The following USH2A variants were observed in gnomAD, a reference collection of about 807,000 sequenced individuals.
USH2A encodes usherin, also known as Usher syndrome 2A (autosomal recessive, mild).
Under a neutral mutation model 538.9 loss-of-function variants are expected in USH2A, and 443 were observed. The ratio of observed to expected loss-of-function variants is 0.82; its 90% CI spans 0.76 to 0.89. USH2A has a LOEUF of 0.89. USH2A is among the 40% of genes least tolerant of loss of function. USH2A has a pLI of 0.00. For synonymous variants in USH2A, 2,413 were observed against 2,273.5 expected (o/e 1.06, Z -1.75); for missense variants, 6,633 against 6,324.8 (o/e 1.05, Z -1.65).
intron 32 of USH2A, among the ~76,000 whole-genome samples, chr1:216,042,965 T>A (rs1468464420): frequency 6.6e-6 from 1 of 152,018 alleles, no homozygotes; most frequent in African/African-American, 2.4e-5. Context: ...TCAGGACAAA[T>A]CAAGCTTGCC....
intron 16 of USH2A, chr1:216,201,655 C>T (rs867823600): frequency 9.9e-5 from 18 of 182,480 alleles, no homozygotes; most frequent in Middle Eastern, 1.7e-3. Context: ...CTCTGGGGTC[C>T]GACTGCTCAG....
chr1:216,054,080 G>A (rs78507992), intron 30 of USH2A, among the ~76,000 whole-genome samples: 1,564 of 152,244 alleles, frequency 0.01, 34 homozygotes, highest in African/African-American at 0.036. Context: ...AGAGGGCATA[G>A]CCTTTTACTG....
At chr1:215,768,624 G>A (rs1469684729) in intron 55 of USH2A, among the ~76,000 whole-genome samples, 2 of 152,188 alleles carry the variant, frequency 1.3e-5, no homozygotes, top group African/African-American at 2.4e-5. Context: ...AGCCACATAT[G>A]TTTGATAAAA....
At chr1:216,176,510 G>A (rs1476133071) in intron 20 of USH2A, among the ~76,000 whole-genome samples, 1 of 152,038 alleles carries the variant, frequency 6.6e-6, no homozygotes, top group Non-Finnish European at 1.5e-5. Context: ...TCAACATCCG[G>A]CACCCAAATG....
chr1:215,974,672 GGGTTTTTTCTGT>G (rs1667580848), intron 35 of USH2A, among the ~76,000 whole-genome samples: 1 of 152,062 alleles, frequency 6.6e-6, no homozygotes, highest in African/African-American at 2.4e-5. Context: ...CATGATTTCA[GGGTTTTTTCTGT>G]GGTTGTATAG....
chr1:216,369,920 CAAAAAAAAAAA>C (rs71161416), intron 3 of USH2A, among the ~76,000 whole-genome samples: 1 of 127,390 alleles, frequency 7.8e-6, no homozygotes, highest in Non-Finnish European at 1.6e-5. Context: ...GAGACTCTGC[CAAAAAAAAAAA>C]AAAAAAAAAA....
chr1:216,268,294 G>A (rs1454354902), intron 11 of USH2A, among the ~76,000 whole-genome samples: 1 of 152,028 alleles, frequency 6.6e-6, no homozygotes, highest in African/African-American at 2.4e-5. Flanking sequence ...ACTAGCCACA[G>A]AATTAACTAT....
intron 30 of USH2A, among the ~76,000 whole-genome samples, chr1:216,054,015 T>C (rs2030887008): frequency 1.3e-5 from 2 of 152,174 alleles, no homozygotes. Flanking sequence ...AGCATTGGCC[T>C]AGAGAACTTG....
chr1:216,034,452 C>T (rs1315977033), intron 32 of USH2A, among the ~76,000 whole-genome samples: 2 of 152,066 alleles, frequency 1.3e-5, no homozygotes, highest in Non-Finnish European at 1.5e-5. Context: ...AAGGTATCTC[C>T]ATGTTTTAAC....
At chr1:216,101,748 T>G (rs891061432) in intron 21 of USH2A, among the ~76,000 whole-genome samples, 1 of 152,282 alleles carries the variant, frequency 6.6e-6, no homozygotes, top group Non-Finnish European at 1.5e-5. Context: ...TTCAGTGTTT[T>G]GGTTTCTAGT....
At position 215,888,618 on chromosome 1, in the gene USH2A, C is replaced by A. The variant is rs2102460155; in HGVS notation, c.8031G>T (p.Arg2677Ser). ...TGTCAATAAACCTCATGGAATGACT[C>A]CTCGGGAGAGTCACCAGGGTAGTAA... The part of the protein sequence containing the change: ...EEVTTLVTLP[R>S]SHSMRFIDKT... The change falls in exon 41 of 72, where the codon AGG becomes AGT. Residue 2677 changes from arginine (R) to serine (S), a missense_variant. Coordinates refer to ENST00000307340, the MANE Select transcript of USH2A (RefSeq NM_206933.4). The A allele has an allele frequency of 1.2e-6, 2 of 1,614,160 alleles. No homozygotes were observed. The highest frequency in any genetic ancestry group is 1.3e-5 in the African/African-American group (1 of 75,046).
intron 61 of USH2A, among the ~76,000 whole-genome samples, chr1:215,698,060 G>A (rs1658877128): frequency 6.6e-6 from 1 of 152,062 alleles, no homozygotes; most frequent in Non-Finnish European, 1.5e-5. Flanking sequence ...TCCCACTTAT[G>A]AGTGAGAACA....
chr1:216,222,980 GAAA>G (rs68139217), intron 14 of USH2A, among the ~76,000 whole-genome samples: 459 of 112,002 alleles, frequency 4.1e-3, no homozygotes, highest in African/African-American at 0.014. Flanking sequence ...CTCCATCTCA[GAAA>G]AAAAAAAAAA....
intron 21 of USH2A, among the ~76,000 whole-genome samples, chr1:216,167,805 C>T (rs989969862): frequency 1.3e-5 from 2 of 151,980 alleles, no homozygotes; most frequent in African/African-American, 2.4e-5. Flanking sequence ...GCCTTATGTC[C>T]CCTCAATCAA....
At chr1:215,949,910 C>T (rs1369342589) in intron 37 of USH2A, among the ~76,000 whole-genome samples, 1 of 151,538 alleles carries the variant, frequency 6.6e-6, no homozygotes, top group Admixed American at 6.6e-5. Flanking sequence ...TGTGAGCAGA[C>T]AAAAAAAGAA....
chr1:215,845,483 G>C (rs910613592), intron 45 of USH2A, among the ~76,000 whole-genome samples: 17 of 151,904 alleles, frequency 1.1e-4, no homozygotes, highest in African/African-American at 3.9e-4. Context: ...TTTGGCTGTC[G>C]TTTTGAAAAA....
At chr1:216,009,147 T>C (rs1463512033) in intron 32 of USH2A, among the ~76,000 whole-genome samples, 1 of 151,920 alleles carries the variant, frequency 6.6e-6, no homozygotes, top group Non-Finnish European at 1.5e-5. Flanking sequence ...CCCAATCCCT[T>C]ATTTCCATGC....
At chr1:216,405,917 G>GAAACA (rs1345555415) in intron 3 of USH2A, among the ~76,000 whole-genome samples, 20 of 152,278 alleles carry the variant, frequency 1.3e-4, no homozygotes, top group African/African-American at 4.8e-4. Context: ...AAAAAAGAAA[G>GAAACA]AAACAATCCC....
intron 47 of USH2A, among the ~76,000 whole-genome samples, chr1:215,825,676 C>T (rs550346538): frequency 6.6e-6 from 1 of 152,076 alleles, no homozygotes; most frequent in African/African-American, 2.4e-5. Flanking sequence ...TCGATTTGGT[C>T]ATTTTTGTCA....
Sources: gnomAD v4.1 joint callset for allele counts (sites outside exome capture counted in the v4.1 genomes callset) on GRCh38, gnomAD v4.1.1 for gene constraint, MANE v1.5 for transcripts, NCBI Gene and HGNC (gene_info 2026-07-23, HGNC 2026-07-21) for gene names.